Variants in KLHL2 observed in about 807,000 individuals in gnomAD.
KLHL2 encodes the protein kelch-like protein 2.
KLHL2 carries 15 observed loss-of-function variants against 75.8 expected under a neutral mutation model. That is an observed-to-expected ratio of 0.20 (90% CI 0.13 to 0.30). The LOEUF (loss-of-function observed/expected upper bound fraction) is 0.30. KLHL2 is among the 10% of genes least tolerant of loss of function. The probability of loss-of-function intolerance (pLI) is 1.00; values close to 1 mark genes in which losing one functional copy is unlikely to be tolerated. For missense variants in KLHL2, 381 were observed against 741.0 expected (o/e 0.51, Z 5.64); for synonymous variants, 214 against 251.9 (o/e 0.85, Z 1.42).
chr4:165,322,116 T>C lies in KLHL2; in HGVS notation c.*56T>C. ...ATGAGAAACAGCCTTCAACAAGTAT[T>C]TGTGAAGTGACTGAGAATCTAGCAC... On this transcript the variant is annotated 3_prime_UTR_variant, in exon 15 of 15. Transcript: ENST00000226725. 6.7e-7 allele frequency: 1 copy of C among 1,484,588 alleles called. No homozygotes were observed. Among genetic ancestry groups the C allele is most frequent in the South Asian group, 1.1e-5 (1 of 88,340 alleles). The allele number at this position is 1,484,588 out of a possible 1,614,324, so 92.0% of individuals were successfully genotyped here.
intron 10 of KLHL2, among the ~76,000 whole-genome samples, chr4:165,311,231 T>G (rs1421268072): frequency 6.6e-6 from 1 of 152,206 alleles, no homozygotes; most frequent in Non-Finnish European, 1.5e-5. Flanking sequence ...TTTTCTTTCT[T>G]ATGCATCAGT....
At chr4:165,284,781 C>T (rs958879584) in intron 5 of KLHL2, among the ~76,000 whole-genome samples, 3 of 152,108 alleles carry the variant, frequency 2.0e-5, no homozygotes, top group African/African-American at 4.8e-5. Context: ...ATCTGAGACT[C>T]GGCAATTTAC....
intron 4 of KLHL2, among the ~76,000 whole-genome samples, chr4:165,240,643 G>C (rs1390907968): frequency 6.6e-6 from 1 of 151,378 alleles, no homozygotes; most frequent in Non-Finnish European, 1.5e-5. Context: ...TAGACTATTT[G>C]CTAGATTCTG....
intron 8 of KLHL2, among the ~76,000 whole-genome samples, chr4:165,303,821 C>T (rs1282275066): frequency 6.6e-6 from 1 of 152,116 alleles, no homozygotes; most frequent in Non-Finnish European, 1.5e-5. Context: ...GCACTGGCCT[C>T]CCAAAGTGCT....
chr4:165,239,865 T>G (rs1484703611), intron 4 of KLHL2, among the ~76,000 whole-genome samples: 1 of 152,112 alleles, frequency 6.6e-6, no homozygotes, highest in Non-Finnish European at 1.5e-5. Context: ...CACACAAACG[T>G]ACACACAATT....
At chr4:165,286,300 G>T (rs1744087232) in intron 5 of KLHL2, among the ~76,000 whole-genome samples, 1 of 152,172 alleles carries the variant, frequency 6.6e-6, no homozygotes, top group Admixed American at 6.5e-5. Flanking sequence ...ATGATGATTA[G>T]ATCATATTCA....
At chr4:165,212,670 T>C (rs1336306658) in intron 1 of KLHL2, among the ~76,000 whole-genome samples, 2 of 152,216 alleles carry the variant, frequency 1.3e-5, no homozygotes, top group Non-Finnish European at 2.9e-5. Flanking sequence ...AACAACCTTA[T>C]AGTGGTAGGT....
intron 12 of KLHL2, among the ~76,000 whole-genome samples, chr4:165,313,588 T>C (rs1222148508): frequency 6.6e-6 from 1 of 152,216 alleles, no homozygotes; most frequent in African/African-American, 2.4e-5. Context: ...TTCTGTTTCA[T>C]TTATATATTC....
intron 1 of KLHL2, chr4:165,209,941 A>C: frequency 7.4e-7 from 1 of 1,342,506 alleles, no homozygotes. Flanking sequence ...TCCCATTAAC[A>C]TCCCTCCACC....
intron 4 of KLHL2, among the ~76,000 whole-genome samples, chr4:165,250,162 A>G (rs1325465043): frequency 6.6e-6 from 1 of 151,880 alleles, no homozygotes; most frequent in African/African-American, 2.4e-5. Context: ...AGAGACTATC[A>G]CTATATATTT....
intron 5 of KLHL2, among the ~76,000 whole-genome samples, chr4:165,283,486 G>A (rs1376972088): frequency 6.6e-6 from 1 of 152,178 alleles, no homozygotes; most frequent in East Asian, 1.9e-4. Flanking sequence ...AATCCAGTGG[G>A]GCAGTCAAAT....
chr4:165,268,684 G>C (rs989597802), intron 5 of KLHL2, among the ~76,000 whole-genome samples: 4 of 152,204 alleles, frequency 2.6e-5, no homozygotes, highest in Admixed American at 6.5e-5. Flanking sequence ...GAGACAGTTT[G>C]TTGTGATTTC....
At chr4:165,287,491 A>C (rs533268136) in intron 5 of KLHL2, among the ~76,000 whole-genome samples, 3 of 152,198 alleles carry the variant, frequency 2.0e-5, no homozygotes, top group Non-Finnish European at 4.4e-5. Flanking sequence ...CCTGCTTTCC[A>C]TTCTTCTGGA....
intron 5 of KLHL2, among the ~76,000 whole-genome samples, chr4:165,273,489 C>T (rs2126356899): frequency 6.6e-6 from 1 of 152,202 alleles, no homozygotes; most frequent in Middle Eastern, 3.4e-3. Flanking sequence ...CTTGAATTCC[C>T]ATGTGTGGTG....
Position 165,228,862 on chromosome 4 carries a change from C to T in KLHL2, c.208C>T (p.His70Tyr), listed in dbSNP as rs1560986455. ...IVAEDMEISA[H>Y]RVVLAACSPY... ...GGCAGAAGACATGGAAATTTCTGCT[C>T]ATAGAGTGGTGCTGGCCGCCTGTAG... The change falls in exon 3 of 15, where the codon CAT (histidine) becomes TAT (tyrosine). Residue 70 changes from histidine (H) to tyrosine (Y), a missense_variant. His to Tyr is a moderately conservative substitution (Grantham distance 83, BLOSUM62 2). Coordinates refer to ENST00000226725, the MANE Select transcript of KLHL2 (RefSeq NM_007246.4). 6.2e-7 allele frequency: 1 copy of T among 1,613,374 alleles called. No homozygotes were observed. Among genetic ancestry groups the T allele is most frequent in the Admixed American group, 1.7e-5 (1 of 60,006 alleles).
intron 9 of KLHL2, among the ~76,000 whole-genome samples, chr4:165,309,574 T>G (rs981156176): frequency 8.5e-5 from 13 of 152,246 alleles, no homozygotes; most frequent in African/African-American, 3.1e-4. Flanking sequence ...TCTACTGCTA[T>G]AGTGCAAAAC....
At chr4:165,246,232 AG>A (rs1478903552) in intron 4 of KLHL2, among the ~76,000 whole-genome samples, 1 of 152,220 alleles carries the variant, frequency 6.6e-6, no homozygotes, top group African/African-American at 2.4e-5. Flanking sequence ...TGGGCCAGAA[AG>A]AAAAGGACGA....
intron 5 of KLHL2, among the ~76,000 whole-genome samples, chr4:165,269,703 C>T (rs149493126): frequency 0.075 from 11,344 of 151,358 alleles, 900 homozygotes; most frequent in African/African-American, 0.2. Context: ...GATGAGCTTC[C>T]CTTTGTGGGT....
At chr4:165,270,372 G>T (rs1415141356) in intron 5 of KLHL2, among the ~76,000 whole-genome samples, 1 of 152,192 alleles carries the variant, frequency 6.6e-6, no homozygotes, top group East Asian at 1.9e-4. Flanking sequence ...TGCTGCCGAG[G>T]AGCTGCGATC....
Sources: gnomAD v4.1 joint callset for allele counts (sites outside exome capture counted in the v4.1 genomes callset) on GRCh38, gnomAD v4.1.1 for gene constraint, MANE v1.5 for transcripts, NCBI Gene and HGNC (gene_info 2026-07-23, HGNC 2026-07-21) for gene names.